The following FBLN5 variants were observed in gnomAD, a reference collection of about 807,000 sequenced individuals.
FBLN5 encodes the protein fibulin-5.
FBLN5 carries 24 observed loss-of-function variants against 61.6 expected under a neutral mutation model. The ratio of observed to expected loss-of-function variants is 0.39; its 90% CI spans 0.28 to 0.55. FBLN5 has a LOEUF of 0.55. Ranked by LOEUF, FBLN5 falls within the 20% of genes least tolerant of loss-of-function variation. The pLI, the probability that FBLN5 is intolerant of heterozygous loss-of-function variation, is 0.65. For synonymous variants in FBLN5, 213 were observed against 219.8 expected (o/e 0.97, Z 0.27); for missense variants, 470 against 594.1 (o/e 0.79, Z 2.17).
At chr14:91,871,214 AG>A (rs1421198663) in intron 10 of FBLN5, among the ~76,000 whole-genome samples, 1 of 83,138 alleles carries the variant, frequency 1.2e-5, no homozygotes, top group African/African-American at 3.5e-5. Context: ...GGACCAGATC[AG>A]TAATTTAAAA....
intron 5 of FBLN5, among the ~76,000 whole-genome samples, chr14:91,894,036 C>T (rs775797697): frequency 1.3e-5 from 2 of 152,168 alleles, no homozygotes; most frequent in African/African-American, 4.8e-5. Context: ...ATATAAACTT[C>T]GTGAAGACAG....
intron 4 of FBLN5, among the ~76,000 whole-genome samples, chr14:91,924,553 A>G (rs538198306): frequency 3.9e-5 from 6 of 151,958 alleles, no homozygotes; most frequent in Non-Finnish European, 7.4e-5. Flanking sequence ...CTGGTAGCAC[A>G]CACCTGTAGT....
chr14:91,879,877 CATGCGGG>C (rs1889339294), intron 9 of FBLN5, among the ~76,000 whole-genome samples: 1 of 152,174 alleles, frequency 6.6e-6, no homozygotes, highest in Non-Finnish European at 1.5e-5. Flanking sequence ...TTTCGTCTCC[CATGCGGG>C]GTTTGGTGTT....
intron 4 of FBLN5, among the ~76,000 whole-genome samples, chr14:91,897,726 T>TA (rs1477735622): frequency 6.6e-6 from 1 of 152,198 alleles, no homozygotes; most frequent in Non-Finnish European, 1.5e-5. Context: ...TTCACTCTTT[T>TA]AAAAACTCCA....
chr14:91,876,363 C>T (rs1415880363), intron 10 of FBLN5, among the ~76,000 whole-genome samples: 1 of 152,198 alleles, frequency 6.6e-6, no homozygotes, highest in African/African-American at 2.4e-5. Flanking sequence ...TGGAAGATCA[C>T]AGCAGCATCT....
chr14:91,884,440 T>C (rs1350611076), intron 7 of FBLN5, among the ~76,000 whole-genome samples: 2 of 152,230 alleles, frequency 1.3e-5, no homozygotes, highest in African/African-American at 2.4e-5. Flanking sequence ...GTGATGTCTG[T>C]CAATTCCTGA....
chr14:91,913,880 T>C (rs1467837931), intron 4 of FBLN5, among the ~76,000 whole-genome samples: 9 of 152,152 alleles, frequency 5.9e-5, no homozygotes, highest in African/African-American at 1.9e-4. Context: ...AAATAAATCA[T>C]GGATAACAAG....
chr14:91,903,318 C>G (rs1344038319), intron 4 of FBLN5, among the ~76,000 whole-genome samples: 3 of 152,134 alleles, frequency 2.0e-5, no homozygotes, highest in Non-Finnish European at 4.4e-5. Flanking sequence ...TTGGCCAGGG[C>G]ATTGTGTGCT....
chr14:91,911,460 C>T (rs1595326270), intron 4 of FBLN5, among the ~76,000 whole-genome samples: 2 of 152,210 alleles, frequency 1.3e-5, no homozygotes, highest in Admixed American at 1.3e-4. Context: ...GGCCCTCAGT[C>T]AAGACTGGCA....
At chr14:91,881,514 A>C in intron 8 of FBLN5, 96 bp from the exon 9 acceptor site, 1 of 1,359,174 alleles carries the variant, frequency 7.4e-7, no homozygotes. Flanking sequence ...ACAGAGCTGT[A>C]CTATCCAATA....
In FBLN5 at chr14:91,943,514, C is replaced by T. The variant is rs1401912360; in HGVS notation, c.18-553G>A. Among the ~76,000 whole-genome samples the T allele has an allele frequency of 6.6e-6, 1 of 151,932 alleles. No individual in the cohort carries two copies. Among genetic ancestry groups the T allele is most frequent in the African/African-American group, 2.4e-5 (1 of 41,328 alleles). The stretch of plus-strand genomic sequence containing the variant: ...ACAGAGCGAGACCTTGTCCTCCCCC[C>T]ACCCCCCAAAAAAGCTAAAACCTCC... On this transcript the variant is annotated intron_variant, in intron 1 of 10. Transcript: ENST00000342058. The surrounding 1 kb of genome is among the most constrained non-coding windows in gnomAD (Gnocchi z 4.0).
intron 5 of FBLN5, 44 bp downstream of exon 5, chr14:91,894,906 G>A (rs754077150): frequency 1.3e-5 from 17 of 1,356,342 alleles, no homozygotes; most frequent in Non-Finnish European, 1.6e-5. Flanking sequence ...CCTGGCAACC[G>A]TTAACTTCCA....
At chr14:91,930,046 T>C (rs1345723276) in intron 4 of FBLN5, among the ~76,000 whole-genome samples, 3 of 152,270 alleles carry the variant, frequency 2.0e-5, no homozygotes, top group South Asian at 4.1e-4. Flanking sequence ...ACACACACTA[T>C]TAAATCTAAT....
At chr14:91,871,029 G>A (rs564733288) in intron 10 of FBLN5, among the ~76,000 whole-genome samples, 1 of 152,104 alleles carries the variant, frequency 6.6e-6, no homozygotes, top group South Asian at 2.1e-4. Context: ...GAGGAGGGAG[G>A]GGATTGAAAA....
Position 91,943,089 on chromosome 14 carries a change from C to A in FBLN5, c.18-128G>T, listed in dbSNP as rs1244167888. ...GGCTTGTATGGGGTGGGGTGTGCTC[C>A]AGGGAGGTCATGGTGGTTCCAGACA... On this transcript the variant is annotated intron_variant, in intron 1 of 10. Transcript: ENST00000342058. This position sits in a 1 kb window ranked among gnomAD's most constrained non-coding sequence, Gnocchi z 4.0. The A allele has an allele frequency of 1.4e-6, 1 of 723,220 alleles. No homozygotes were observed. The highest frequency in any genetic ancestry group is 2.5e-6 in the Non-Finnish European group (1 of 395,570). 44.8% of individuals were successfully genotyped at this position (723,220 alleles called of 1,614,324 possible).
chr14:91,905,386 C>A (rs1890641536), intron 4 of FBLN5, among the ~76,000 whole-genome samples: 1 of 152,092 alleles, frequency 6.6e-6, no homozygotes, highest in African/African-American at 2.4e-5. Context: ...TGGGAACACA[C>A]AACAGGGTGT....
At chr14:91,885,689 A>C (rs182784230) in intron 7 of FBLN5, among the ~76,000 whole-genome samples, 5 of 152,228 alleles carry the variant, frequency 3.3e-5, no homozygotes, top group African/African-American at 1.2e-4. Context: ...AAAAATAGTA[A>C]ATGGCAGAGC....
chr14:91,940,768 A>C, intron 2 of FBLN5, 152 bp from the exon 3 acceptor site: 2 of 709,748 alleles, frequency 2.8e-6, no homozygotes. Flanking sequence ...TTCTTCTAAA[A>C]TTTTTCCTTG....
chr14:91,932,734 C>T (rs537843145), intron 4 of FBLN5, among the ~76,000 whole-genome samples: 6 of 152,328 alleles, frequency 3.9e-5, no homozygotes, highest in African/African-American at 1.2e-4. Flanking sequence ...AGATAACCCG[C>T]GCCCCGGCAA....
Sources: allele counts gnomAD v4.1 joint callset (sites outside exome capture counted in the v4.1 genomes callset), GRCh38; gene constraint gnomAD v4.1.1; non-coding constraint Gnocchi (gnomAD v3.1); transcripts MANE v1.5; gene names NCBI Gene and HGNC (gene_info 2026-07-23, HGNC 2026-07-21).